The following PCDH17 variants were observed in gnomAD, a reference collection of about 807,000 sequenced individuals.
The protein encoded by PCDH17 is protocadherin 17.
Under a neutral mutation model 67.7 loss-of-function variants are expected in PCDH17, and 21 were observed. The ratio of observed to expected loss-of-function variants is 0.31; its 90% CI spans 0.22 to 0.45. The LOEUF is 0.45. PCDH17 is among the 20% of genes least tolerant of loss of function. The probability of loss-of-function intolerance (pLI) is 1.00; values close to 1 mark genes in which losing one functional copy is unlikely to be tolerated. For synonymous variants in PCDH17, 701 were observed against 656.7 expected (o/e 1.07, Z -1.03); for missense variants, 1,471 against 1,564.8 (o/e 0.94, Z 1.01).
upstream of PCDH17, among the ~76,000 whole-genome samples, chr13:57,631,443 C>T (rs1364839648): frequency 6.6e-6 from 1 of 152,176 alleles, no homozygotes; most frequent in Non-Finnish European, 1.5e-5. Context: ...CTGTTGATTT[C>T]CCTTCGCCTG....
intron 3 of PCDH17, among the ~76,000 whole-genome samples, chr13:57,707,904 A>G (rs962934079): frequency 1.3e-5 from 2 of 151,948 alleles, no homozygotes; most frequent in Non-Finnish European, 2.9e-5. Flanking sequence ...GGCCAACTCT[A>G]TTCCAGTATG....
intron 1 of PCDH17, among the ~76,000 whole-genome samples, chr13:57,638,852 A>C (rs1202133391): frequency 6.6e-6 from 1 of 151,992 alleles, no homozygotes; most frequent in Non-Finnish European, 1.5e-5. Flanking sequence ...CTTTATTCCC[A>C]CTTTGCTCTA....
rs771124025 is a variant in PCDH17 at position 57,726,531 on chromosome 13, G to A, written c.*1237G>A. 11 of 152,550 alleles carry A rather than the reference G, an allele frequency of 7.2e-5. No individual in the cohort carries two copies. Among genetic ancestry groups the A allele is most frequent in the Non-Finnish European group, 1.5e-5 (1 of 68,012 alleles). The allele number at this position is 152,550 out of a possible 1,614,324, so 9.4% of individuals were successfully genotyped here. A position where few individuals can be genotyped will look rare whatever the true frequency, so the allele number is the denominator to read the frequency against. ...GGAGTGTGGGAAGCAGTGCCTCAGA[G>A]CAAAGTCTCTTGTTTAATGTATAGT... is the stretch of plus-strand genomic sequence containing the variant. On this transcript the variant is annotated 3_prime_UTR_variant, in exon 4 of 4. Coordinates refer to ENST00000377918, the MANE Select transcript of PCDH17 (RefSeq NM_001040429.3).
intron 3 of PCDH17, among the ~76,000 whole-genome samples, chr13:57,717,167 G>T (rs974268145): frequency 6.6e-6 from 1 of 151,884 alleles, no homozygotes; most frequent in African/African-American, 2.4e-5. Flanking sequence ...AGCATCTGCC[G>T]CTGCCCCAGG....
Position 57,693,315 on chromosome 13 carries a change from C to CATATATATATGTAT in PCDH17, c.2797+26492_2797+26493insGTATATATATATAT, listed in dbSNP as rs373915196. On this transcript the variant is annotated intron_variant, in intron 3 of 3. Transcript: ENST00000377918. ...CTTGGTATATTTGTTCACTTACATT[C>CATATATATATGTAT]ATATATATATATATATATATATATA... Among the ~76,000 whole-genome samples, 3 of 89,360 alleles carry CATATATATATGTAT rather than the reference C, an allele frequency of 3.4e-5. No individual in the cohort carries two copies. The East Asian group carries it at 8.9e-4, about 26-fold the overall frequency. 58.6% of individuals were successfully genotyped at this position (89,360 alleles called of 152,430 possible). A position where few individuals can be genotyped will look rare whatever the true frequency, so the allele number is the denominator to read the frequency against.
At chr13:57,641,141 C>T (rs1225482406) in intron 1 of PCDH17, among the ~76,000 whole-genome samples, 2 of 151,850 alleles carry the variant, frequency 1.3e-5, no homozygotes, top group African/African-American at 4.8e-5. Flanking sequence ...TTTTAAACTT[C>T]GTCAGACCTG....
intron 1 of PCDH17, among the ~76,000 whole-genome samples, chr13:57,639,179 T>C (rs1452784688): frequency 1.3e-5 from 2 of 151,950 alleles, no homozygotes; most frequent in Non-Finnish European, 2.9e-5. Context: ...TCATCCTTTT[T>C]CTTAAATATT....
chr13:57,693,071 G>GAGGTTATAGTTTTTGTACTTATCTCC (rs1388600342), intron 3 of PCDH17, among the ~76,000 whole-genome samples: 4 of 150,202 alleles, frequency 2.7e-5, no homozygotes, highest in Non-Finnish European at 4.5e-5. Context: ...GCCTGGATAG[G>GAGGTTATAGTTTTTGTACTTATCTCC]AGGTTATAGT....
chr13:57,720,273 G>A (rs1301418219), intron 3 of PCDH17, among the ~76,000 whole-genome samples: 2 of 151,856 alleles, frequency 1.3e-5, no homozygotes, highest in Non-Finnish European at 2.9e-5. Flanking sequence ...GTATCTTTAT[G>A]TCCAAATCCA....
At chr13:57,652,262 G>A (rs1468476002) in intron 1 of PCDH17, among the ~76,000 whole-genome samples, 5 of 140,026 alleles carry the variant, frequency 3.6e-5, no homozygotes, top group Non-Finnish European at 7.6e-5. Flanking sequence ...TCCGGCCTGG[G>A]CGACAGAGCG....
At chr13:57,720,633 T>C (rs1312542394) in intron 3 of PCDH17, among the ~76,000 whole-genome samples, 2 of 152,004 alleles carry the variant, frequency 1.3e-5, no homozygotes, top group Non-Finnish European at 2.9e-5. Context: ...CAGAAATGCA[T>C]AGGTTATGAA....
chr13:57,632,229 G>A lies in PCDH17; in HGVS notation c.-318G>A. The stretch of plus-strand genomic sequence containing the variant: ...CTCATCGCTCAAGTTTGAGCCTCCC[G>A]AAGTCCGGGCGGGAGAGACGAAACC... On this transcript the variant is annotated 5_prime_UTR_variant, in exon 1 of 4. Coordinates refer to ENST00000377918, the MANE Select transcript of PCDH17 (RefSeq NM_001040429.3). 4.9e-6 allele frequency: 2 copies of A among 408,504 alleles called. No homozygotes were observed. The highest frequency in any genetic ancestry group is 4.1e-5 in the African/African-American group (2 of 48,680). The allele number at this position is 408,504 out of a possible 1,614,324, so 25.3% of individuals were successfully genotyped here. A position where few individuals can be genotyped will look rare whatever the true frequency, so the allele number is the denominator to read the frequency against.
chr13:57,657,414 T>C (rs549600585), intron 1 of PCDH17, among the ~76,000 whole-genome samples: 1 of 152,348 alleles, frequency 6.6e-6, no homozygotes, highest in African/African-American at 2.4e-5. Context: ...AATACAGTTA[T>C]TGCCATACTT....
rs942483330 is a variant in PCDH17 at position 57,725,346 on chromosome 13, A to C, written c.*52A>C. 2.3e-5 allele frequency: 35 copies of C among 1,490,348 alleles called. No individual in the cohort carries two copies. Among genetic ancestry groups the C allele is most frequent in the Non-Finnish European group, 2.9e-5 (32 of 1,099,788 alleles). The allele number at this position is 1,490,348 out of a possible 1,614,324, so 92.3% of individuals were successfully genotyped here. On this transcript the variant is annotated 3_prime_UTR_variant, in exon 4 of 4. Coordinates refer to ENST00000377918, the MANE Select transcript of PCDH17 (RefSeq NM_001040429.3). Reference sequence around the variant, plus strand: ...ATTTTCTTGTCTCTTCTGTTGATTTAAAAATGATCCCTCCTGGTGATAACC... The same window carrying C: ...ATTTTCTTGTCTCTTCTGTTGATTTCAAAATGATCCCTCCTGGTGATAACC...
chr13:57,705,555 T>A (rs1400952142), intron 3 of PCDH17, among the ~76,000 whole-genome samples: 1 of 152,100 alleles, frequency 6.6e-6, no homozygotes, highest in African/African-American at 2.4e-5. Context: ...TATGTGCACA[T>A]TTTGTGCACA....
rs751268818 is a variant in PCDH17, at chr13:57,632,936, C to G, written c.390C>G (p.Pro130=). 3 of 1,614,004 alleles carry G rather than the reference C, an allele frequency of 1.9e-6. No individual in the cohort carries two copies. The highest frequency in any genetic ancestry group is 1.6e-4 in the Middle Eastern group (1 of 6,062). Residue 130 remains proline (P), a synonymous_variant, in exon 1 of 4, where the codon CCC becomes CCG. Transcript: ENST00000377918. ...VEIQDINDNA[P]SFSSDQIEMD... ...TCCAGGACATCAACGACAACGCGCCCTCCTTCTCCTCGGACCAGATCGAAA... is the reference window on the plus strand; with the variant it reads ...TCCAGGACATCAACGACAACGCGCCGTCCTTCTCCTCGGACCAGATCGAAA...
chr13:57,650,240 G>GTGTGTA (rs1955019136), intron 1 of PCDH17, among the ~76,000 whole-genome samples: 1 of 151,376 alleles, frequency 6.6e-6, no homozygotes, highest in African/African-American at 2.4e-5. Context: ...GTGTGTGTGT[G>GTGTGTA]TGTGTGTGTG....
intron 1 of PCDH17, among the ~76,000 whole-genome samples, chr13:57,639,913 A>G (rs1954869848): frequency 6.6e-6 from 1 of 151,978 alleles, no homozygotes; most frequent in South Asian, 2.1e-4. Context: ...ATATTGTTCA[A>G]CATACTAAAC....
rs1954743938 is a variant in PCDH17 at position 57,632,689 on chromosome 13, T to C, written c.143T>C (p.Leu48Pro). The change falls in exon 1 of 4, where the codon CTT (leucine) becomes CCT (proline). Residue 48 changes from leucine (L) to proline (P), a missense_variant. By Grantham distance (98) the Leu-to-Pro change is moderately conservative. This residue lies in a region of PCDH17 where 1,163 missense variants were observed against 1,230.0 expected (regional missense o/e 0.95). Transcript: ENST00000377918. ...IGRDARLQPGLPPAERGGGGR... is the reference protein window; with the variant it reads ...IGRDARLQPGPPPAERGGGGR... ...AGGGATGCTCGACTGCAGCCTGGGC[T>C]TCCGCCTGCAGAGCGCGGCGGCGGA... is the stretch of plus-strand genomic sequence containing the variant. The C allele has an allele frequency of 6.2e-6, 10 of 1,611,528 alleles. No individual in the cohort carries two copies. Among genetic ancestry groups the C allele is most frequent in the African/African-American group, 5.3e-5 (4 of 74,936 alleles).
Sources: allele counts gnomAD v4.1 joint callset (sites outside exome capture counted in the v4.1 genomes callset), GRCh38; gene constraint gnomAD v4.1.1; regional missense constraint gnomAD v4.1.1; transcripts MANE v1.5; gene names NCBI Gene and HGNC (gene_info 2026-07-23, HGNC 2026-07-21).